Variants in GLIS1 observed in about 807,000 individuals in gnomAD.
GLIS1 encodes the protein GLIS family zinc finger 1, also known as zinc finger protein GLIS1.
GLIS1 carries 24 observed loss-of-function variants against 63.8 expected under a neutral mutation model. The observed-to-expected ratio is 0.38, with a 90% CI of 0.27 to 0.53. The LOEUF (loss-of-function observed/expected upper bound fraction) is 0.53. Among genes scored for constraint, GLIS1 ranks in the 20% least tolerant of loss-of-function variants. The pLI, the probability that GLIS1 is intolerant of heterozygous loss-of-function variation, is 0.85. For synonymous variants in GLIS1, 450 were observed against 482.5 expected (o/e 0.93, Z 0.88); for missense variants, 1,036 against 1,074.1 (o/e 0.96, Z 0.50).
At chr1:53,688,576 A>C (rs1646367337) in intron 2 of GLIS1, among the ~76,000 whole-genome samples, 1 of 152,174 alleles carries the variant, frequency 6.6e-6, no homozygotes, top group Non-Finnish European at 1.5e-5. Context: ...CGAGCTCCAC[A>C]GCACATTCCT....
chr1:53,513,133 C>T (rs901435664), intron 8 of GLIS1, among the ~76,000 whole-genome samples: 1 of 152,146 alleles, frequency 6.6e-6, no homozygotes, highest in African/African-American at 2.4e-5. Context: ...CTGTCAGCAG[C>T]CCCTCTGGAC....
intron 2 of GLIS1, among the ~76,000 whole-genome samples, chr1:53,643,610 A>G (rs534631281): frequency 6.6e-6 from 1 of 152,306 alleles, no homozygotes; most frequent in South Asian, 2.1e-4. Context: ...TATAGCTTCA[A>G]GCTGTGGCTT....
At chr1:53,706,052 G>T (rs1236120095) in intron 2 of GLIS1, among the ~76,000 whole-genome samples, 1 of 152,154 alleles carries the variant, frequency 6.6e-6, no homozygotes, top group Admixed American at 6.5e-5. Context: ...AAGTGCCTCA[G>T]TTTATCTTTA....
chr1:53,730,240 G>A (rs1262405488), intron 2 of GLIS1, among the ~76,000 whole-genome samples: 1 of 152,088 alleles, frequency 6.6e-6, no homozygotes. Context: ...CGGTGGTTTA[G>A]GATAAAAATT....
intron 10 of GLIS1, among the ~76,000 whole-genome samples, chr1:53,508,319 G>T (rs930362469): frequency 1.3e-5 from 2 of 152,214 alleles, no homozygotes; most frequent in Admixed American, 6.5e-5. Context: ...GTATGTGCCC[G>T]GCTGAGGCCT....
chr1:53,656,958 C>T (rs1246272102), intron 2 of GLIS1, among the ~76,000 whole-genome samples: 1 of 152,190 alleles, frequency 6.6e-6, no homozygotes, highest in African/African-American at 2.4e-5. Context: ...ATCCTCATAA[C>T]TGCAGAGGTC....
intron 3 of GLIS1, among the ~76,000 whole-genome samples, chr1:53,595,412 C>T (rs982667521): frequency 3.9e-5 from 6 of 152,030 alleles, no homozygotes; most frequent in Admixed American, 2.6e-4. Context: ...CCCAGCTACT[C>T]GGGAGGCTGA....
intron 3 of GLIS1, among the ~76,000 whole-genome samples, chr1:53,597,520 G>T (rs1376493574): frequency 6.6e-6 from 1 of 152,124 alleles, no homozygotes; most frequent in East Asian, 1.9e-4. Context: ...AGGAAACCGA[G>T]GCTTTTATTA....
intron 2 of GLIS1, among the ~76,000 whole-genome samples, chr1:53,654,978 T>C (rs1645948929): frequency 6.6e-6 from 1 of 152,182 alleles, no homozygotes; most frequent in Non-Finnish European, 1.5e-5. Flanking sequence ...CTTGCTTACA[T>C]GGGGATGGGG....
intron 4 of GLIS1, among the ~76,000 whole-genome samples, chr1:53,585,871 C>T (rs1316898980): frequency 1.3e-5 from 2 of 152,232 alleles, no homozygotes; most frequent in Non-Finnish European, 2.9e-5. Context: ...ACAGCCCCTC[C>T]ACCCCCTACA....
chr1:53,669,660 G>A (rs1247092277), intron 2 of GLIS1, among the ~76,000 whole-genome samples: 3 of 152,164 alleles, frequency 2.0e-5, no homozygotes, highest in African/African-American at 2.4e-5. Flanking sequence ...GCTGCAGGAT[G>A]TCTGGGCTCC....
chr1:53,678,099 G>A (rs74814929), intron 2 of GLIS1, among the ~76,000 whole-genome samples: 1,707 of 152,160 alleles, frequency 0.011, 25 homozygotes, highest in African/African-American at 0.039. Flanking sequence ...TGGATGGCCC[G>A]AGGTCTGTTG....
intron 2 of GLIS1, among the ~76,000 whole-genome samples, chr1:53,683,591 A>G (rs971252358): frequency 1.3e-5 from 2 of 152,120 alleles, no homozygotes; most frequent in African/African-American, 2.4e-5. Flanking sequence ...TCTGGCACAC[A>G]GCATGCATCA....
chr1:53,626,364 C>G lies in GLIS1; in HGVS notation c.260-26086G>C, dbSNP rs569290712. 2.0e-5 allele frequency among the ~76,000 whole-genome samples: 3 copies of G among 152,284 alleles called. No individual in the cohort carries two copies. The East Asian group carries it at 5.8e-4, about 29-fold the overall frequency. ...GTCCTCGAGAGCCAGCAGCCTCAGC[C>G]TTTGCACACTGCCACCTCATCTCAG... On this transcript the variant is annotated intron_variant, in intron 2 of 10. Transcript: ENST00000628545.
At chr1:53,545,610 A>C (rs984391649) in intron 4 of GLIS1, among the ~76,000 whole-genome samples, 2 of 152,164 alleles carry the variant, frequency 1.3e-5, no homozygotes, top group African/African-American at 4.8e-5. Context: ...ATATTAAACA[A>C]TGGTTATTTC....
At chr1:53,637,587 GAAGAA>G (rs1283672910) in intron 2 of GLIS1, among the ~76,000 whole-genome samples, 8 of 152,142 alleles carry the variant, frequency 5.3e-5, no homozygotes, top group Non-Finnish European at 1.2e-4. Context: ...AGTCTTAGGG[GAAGAA>G]AAGTACACAT....
intron 2 of GLIS1, among the ~76,000 whole-genome samples, chr1:53,633,401 CTG>C (rs946902100): frequency 3.0e-5 from 4 of 133,202 alleles, no homozygotes; most frequent in Non-Finnish European, 6.3e-5. Context: ...ATGAGTGTGA[CTG>C]AGGGGTGTGT....
chr1:53,695,171 G>A (rs1253583338), intron 2 of GLIS1, among the ~76,000 whole-genome samples: 1 of 152,204 alleles, frequency 6.6e-6, no homozygotes, highest in African/African-American at 2.4e-5. Flanking sequence ...AAGCCCCCAG[G>A]CTCTGCTACT....
chr1:53,671,106 G>T lies in GLIS1; in HGVS notation c.259+66700C>A, dbSNP rs146750304. On this transcript the variant is annotated intron_variant, in intron 2 of 10. Transcript: ENST00000628545. ...GGTCAGAAAGGAGCAGTGAGCAGAA[G>T]AAACTGGTGATGTTTTTGTGGGGGT... 8.5e-5 allele frequency among the ~76,000 whole-genome samples: 13 copies of T among 152,244 alleles called. 1 individual carries two copies. The South Asian group carries it at 1.5e-3, about 17-fold the overall frequency.
Sources: allele counts gnomAD v4.1 joint callset (sites outside exome capture counted in the v4.1 genomes callset), GRCh38; gene constraint gnomAD v4.1.1; transcripts MANE v1.5; gene names NCBI Gene and HGNC (gene_info 2026-07-23, HGNC 2026-07-21).